RUNX1T1: variants seen among roughly 807,000 people sequenced by gnomAD.
RUNX1T1 encodes the protein protein CBFA2T1.
In RUNX1T1, 4 loss-of-function variants were observed where a neutral mutation model predicts 62.8. That is an observed-to-expected ratio of 0.06 (90% CI 0.03 to 0.15). The LOEUF (loss-of-function observed/expected upper bound fraction) is 0.15. RUNX1T1 is among the 10% of genes least tolerant of loss of function. The pLI is 1.00. For synonymous variants in RUNX1T1, 291 were observed against 286.0 expected (o/e 1.02, Z -0.18); for missense variants, 508 against 754.3 (o/e 0.67, Z 3.82).
chr8:92,049,979 T>C (rs1829990489), intron 1 of RUNX1T1, among the ~76,000 whole-genome samples: 1 of 152,228 alleles, frequency 6.6e-6, no homozygotes, highest in African/African-American at 2.4e-5. Context: ...ATAAGGTTAC[T>C]ATTTTATGAA....
chr8:92,007,510 T>G (rs1821015108), intron 4 of RUNX1T1, among the ~76,000 whole-genome samples: 1 of 151,584 alleles, frequency 6.6e-6, no homozygotes, highest in Non-Finnish European at 1.5e-5. Context: ...ATGCACTGAT[T>G]AACAATGGGG....
At chr8:92,053,364 A>G (rs915785901) in intron 1 of RUNX1T1, among the ~76,000 whole-genome samples, 2 of 152,146 alleles carry the variant, frequency 1.3e-5, no homozygotes, top group African/African-American at 4.8e-5. Context: ...CATTATACCC[A>G]TCCTCCACTA....
chr8:92,103,221 T>C (rs1004279886), upstream of RUNX1T1: 1 of 286,984 alleles, frequency 3.5e-6, no homozygotes. Flanking sequence ...GGCAGACAAA[T>C]GTGATGTGGG....
upstream of RUNX1T1, among the ~76,000 whole-genome samples, chr8:92,065,387 G>C (rs1027901780): frequency 2.0e-5 from 3 of 152,212 alleles, no homozygotes; most frequent in African/African-American, 7.2e-5. Context: ...CAATAACAAA[G>C]AATACATTAC....
intron 1 of RUNX1T1, among the ~76,000 whole-genome samples, chr8:92,031,869 G>C (rs1277118486): frequency 6.6e-6 from 1 of 151,718 alleles, no homozygotes; most frequent in Non-Finnish European, 1.5e-5. Context: ...AGGCGGGCGG[G>C]TCACTTGAGC....
At chr8:92,012,827 A>G (rs1822233825) in intron 3 of RUNX1T1, among the ~76,000 whole-genome samples, 1 of 151,316 alleles carries the variant, frequency 6.6e-6, no homozygotes, top group Non-Finnish European at 1.5e-5. Flanking sequence ...CAAATGTTTA[A>G]CAGAAGTCTG....
At chr8:91,973,176 A>C (rs1053478644) in intron 9 of RUNX1T1, among the ~76,000 whole-genome samples, 1 of 151,928 alleles carries the variant, frequency 6.6e-6, no homozygotes, top group African/African-American at 2.4e-5. Context: ...TGTTCTTGGT[A>C]AACTGACATT....
chr8:92,091,273 C>T (rs1413539108), intron 1 of RUNX1T1, among the ~76,000 whole-genome samples: 1 of 152,180 alleles, frequency 6.6e-6, no homozygotes, highest in Non-Finnish European at 1.5e-5. Context: ...TGCTTTATTC[C>T]TTCATGAATT....
intron 1 of RUNX1T1, among the ~76,000 whole-genome samples, chr8:92,033,480 C>A (rs1826642929): frequency 6.6e-6 from 1 of 152,116 alleles, no homozygotes; most frequent in Admixed American, 6.5e-5. Flanking sequence ...CAGAATGGGG[C>A]AGAACTTTCA....
intron 2 of RUNX1T1, among the ~76,000 whole-genome samples, chr8:92,016,923 G>A (rs1342148386): frequency 2.0e-5 from 3 of 151,102 alleles, no homozygotes; most frequent in Non-Finnish European, 3.0e-5. Flanking sequence ...TGAATTAGAA[G>A]TTACAGTGGT....
chr8:92,067,338 C>T (rs1833019699), upstream of RUNX1T1, among the ~76,000 whole-genome samples: 1 of 152,180 alleles, frequency 6.6e-6, no homozygotes, highest in African/African-American at 2.4e-5. Context: ...TAGAAATCCT[C>T]ATCTACCAGG....
At chr8:92,023,076 A>T (rs1223186640) in intron 1 of RUNX1T1, among the ~76,000 whole-genome samples, 1 of 152,112 alleles carries the variant, frequency 6.6e-6, no homozygotes, top group Non-Finnish European at 1.5e-5. Context: ...GGGTGATGTG[A>T]TTCGATTCTG....
At chr8:92,031,938 A>G (rs1826310484) in intron 1 of RUNX1T1, among the ~76,000 whole-genome samples, 1 of 151,710 alleles carries the variant, frequency 6.6e-6, no homozygotes. Flanking sequence ...CTAAAAATAC[A>G]AAATAATTAG....
intron 5 of RUNX1T1, among the ~76,000 whole-genome samples, chr8:92,000,952 T>G (rs542882465): frequency 6.6e-6 from 1 of 152,342 alleles, no homozygotes; most frequent in South Asian, 2.1e-4. Flanking sequence ...ATTTCAAGTA[T>G]GCAAATATGC....
intron 1 of RUNX1T1, among the ~76,000 whole-genome samples, chr8:92,040,511 G>T (rs1159963959): frequency 6.6e-6 from 1 of 152,050 alleles, no homozygotes; most frequent in Non-Finnish European, 1.5e-5. Flanking sequence ...AGAACACCAG[G>T]ATTTAGGGCA....
At chr8:92,065,617 T>C (rs117077406), upstream of RUNX1T1, among the ~76,000 whole-genome samples, 4 of 152,370 alleles carry the variant, frequency 2.6e-5, no homozygotes, top group Admixed American at 1.3e-4. Flanking sequence ...AAAGGCATTA[T>C]GGTATTGTAT....
intron 1 of RUNX1T1, among the ~76,000 whole-genome samples, chr8:92,058,678 T>C (rs991400481): frequency 6.6e-6 from 1 of 152,190 alleles, no homozygotes; most frequent in Admixed American, 6.5e-5. Flanking sequence ...GCTCGCAAGA[T>C]AAACCTTCAA....
chr8:91,972,811 T>C (rs1284921510), intron 9 of RUNX1T1, among the ~76,000 whole-genome samples: 1 of 152,108 alleles, frequency 6.6e-6, no homozygotes, highest in Non-Finnish European at 1.5e-5. Flanking sequence ...GCTTGAATAT[T>C]TATTACCAAC....
Position 92,028,461 on chromosome 8 carries a change from C to T in RUNX1T1, c.8-11098G>A, listed in dbSNP as rs546408381. On this transcript the variant is annotated intron_variant, in intron 1 of 10. Coordinates refer to ENST00000396218, the Ensembl canonical transcript of RUNX1T1. ...TGACTCTTGCTTCTTATTCTAATCA[C>T]CACTTCTTGGAGGTACCTAAGGTAC... Among the ~76,000 whole-genome samples, 5 of 152,184 alleles carry T rather than the reference C, an allele frequency of 3.3e-5. No individual in the cohort carries two copies. In the East Asian group the frequency reaches 7.7e-4, roughly 24 times the overall value.
Sources: gnomAD v4.1 joint callset for allele counts (sites outside exome capture counted in the v4.1 genomes callset) on GRCh38, gnomAD v4.1.1 for gene constraint, MANE v1.5 for transcripts, NCBI Gene and HGNC (gene_info 2026-07-23, HGNC 2026-07-21) for gene names.